SLCO1C1: variants seen among roughly 807,000 people sequenced by gnomAD.
The protein encoded by SLCO1C1 is OAT-RP-5.
Under a neutral mutation model 76.4 loss-of-function variants are expected in SLCO1C1, and 70 were observed. That is an observed-to-expected ratio of 0.92 (90% CI 0.76 to 1.12). SLCO1C1 has a LOEUF of 1.12. Among genes scored for constraint, SLCO1C1 ranks in the 50% most tolerant of loss-of-function variants. The pLI, the probability that SLCO1C1 is intolerant of heterozygous loss-of-function variation, is 0.00. For synonymous variants in SLCO1C1, 306 were observed against 286.1 expected (o/e 1.07, Z -0.70); for missense variants, 912 against 823.8 (o/e 1.11, Z -1.31).
chr12:20,724,441 ATATATATATATG>A (rs1240455642), intron 9 of SLCO1C1, among the ~76,000 whole-genome samples: 1,697 of 108,304 alleles, frequency 0.016, 17 homozygotes, highest in Middle Eastern at 0.029. Flanking sequence ...ATATATATAT[ATATATATATATG>A]TGTGTGTGTG....
chr12:20,748,782 C>T (rs1565549750), intron 13 of SLCO1C1, among the ~76,000 whole-genome samples: 2 of 151,830 alleles, frequency 1.3e-5, no homozygotes, highest in Non-Finnish European at 2.9e-5. Context: ...GTGAGTATGT[C>T]CAGGTAAAAT....
Position 20,740,251 on chromosome 12 carries a change from G to T in SLCO1C1, c.1616G>T (p.Gly539Val). 6.2e-7 allele frequency: 1 copy of T among 1,613,898 alleles called. No homozygotes were observed. Among genetic ancestry groups the T allele is most frequent in the Non-Finnish European group, 8.5e-7 (1 of 1,179,930 alleles). Reference sequence around the variant, plus strand: ...TCCGGAAATTCCTCAGGCATAGTGGGAAGATGTCAGAAAGACAATGGATGT... The same window carrying T: ...TCCGGAAATTCCTCAGGCATAGTGGTAAGATGTCAGAAAGACAATGGATGT... ...SKSGNSSGIVGRCQKDNGCPQ... is the reference protein window; with the variant it reads ...SKSGNSSGIVVRCQKDNGCPQ... Residue 539 changes from glycine (G) to valine (V), a missense_variant, in exon 12 of 15, where the codon GGA becomes GTA. Coordinates refer to ENST00000266509, the MANE Select transcript of SLCO1C1 (RefSeq NM_017435.5).
At chr12:20,736,405 A>G (rs565991835) in intron 10 of SLCO1C1, among the ~76,000 whole-genome samples, 121 of 152,126 alleles carry the variant, frequency 8.0e-4, no homozygotes, top group African/African-American at 2.7e-3. Context: ...GCTAGCACTT[A>G]GTAGGCTTCC....
chr12:20,730,068 T>A (rs1948198032), intron 9 of SLCO1C1, among the ~76,000 whole-genome samples: 1 of 152,140 alleles, frequency 6.6e-6, no homozygotes, highest in African/African-American at 2.4e-5. Flanking sequence ...AGGTTACACC[T>A]TGTGTTATTA....
At position 20,711,532 on chromosome 12, in the gene SLCO1C1, G is replaced by C. The variant is rs370157766; in HGVS notation, c.529+22G>C. ...AACGGTAAGATCATTTTTTTGACTT[G>C]ACTAAACAAGCTTTTAAAAAAAAGA... On this transcript the variant is annotated intron_variant, in intron 5 of 14. Transcript: ENST00000266509. 3.7e-6 allele frequency: 6 copies of C among 1,608,410 alleles called. No individual in the cohort carries two copies. In the African/African-American group the frequency reaches 6.7e-5, roughly 18 times the overall value.
rs565259852 is a variant in SLCO1C1, at chr12:20,698,394, C to T, written c.-25-1158C>T. Among the ~76,000 whole-genome samples the T allele has an allele frequency of 1.4e-3, 217 of 152,136 alleles. 2 individuals carry two copies. The highest frequency in any genetic ancestry group is 5.1e-3 in the African/African-American group (212 of 41,540). Reference sequence around the variant, plus strand: ...CATCCTTTCCTTTAGTCAATTCCCACTCCCTAGAGGAATCCACTTAATTTT... The same window carrying T: ...CATCCTTTCCTTTAGTCAATTCCCATTCCCTAGAGGAATCCACTTAATTTT... On this transcript the variant is annotated intron_variant, in intron 1 of 14. Coordinates refer to ENST00000266509, the MANE Select transcript of SLCO1C1 (RefSeq NM_017435.5).
chr12:20,706,046 A>C lies in SLCO1C1; in HGVS notation c.369A>C (p.Thr123=), dbSNP rs756166916. The C allele has an allele frequency of 1.1e-5, 18 of 1,613,080 alleles. No homozygotes were observed. The change falls in exon 4 of 15, where the codon ACA becomes ACC. Residue 123 remains threonine, a synonymous_variant. Coordinates refer to ENST00000266509, the MANE Select transcript of SLCO1C1 (RefSeq NM_017435.5). ...GAGCVIMGVG[T]LLIAMPQFFM... ...GGTGTGTAATCATGGGAGTTGGAAC[A>C]CTGCTCATTGCAATGCCTCAGTTCT...
intron 9 of SLCO1C1, among the ~76,000 whole-genome samples, chr12:20,724,621 ATAAAT>A (rs1007005168): frequency 8.1e-5 from 12 of 148,390 alleles, no homozygotes; most frequent in Non-Finnish European, 1.6e-4. Context: ...TGAACTTCAT[ATAAAT>A]TAAATAGTAT....
intron 14 of SLCO1C1, among the ~76,000 whole-genome samples, chr12:20,751,244 C>T (rs975381033): frequency 6.6e-6 from 1 of 152,086 alleles, no homozygotes; most frequent in African/African-American, 2.4e-5. Context: ...CTTTTATTGC[C>T]AAACTAATGT....
In SLCO1C1 at chr12:20,711,465, T is replaced by C. The variant is rs565378831; in HGVS notation, c.484T>C (p.Leu162=). The change falls in exon 5 of 15, where the codon TTA becomes CTA. Residue 162 remains leucine, a synonymous_variant. Coordinates refer to ENST00000266509, the MANE Select transcript of SLCO1C1 (RefSeq NM_017435.5). The part of the protein sequence containing the change: ...SPCLLESSSQ[L]PVSVMEKSKS... ...GTGTCTCCTAGAGTCAAGCAGTCAATTACCAGTTTCAGTTATGGAAAAATC... is the reference window on the plus strand; with the variant it reads ...GTGTCTCCTAGAGTCAAGCAGTCAACTACCAGTTTCAGTTATGGAAAAATC... 3 of 1,614,026 alleles carry C rather than the reference T, an allele frequency of 1.9e-6. No individual in the cohort carries two copies. Among genetic ancestry groups the C allele is most frequent in the East Asian group, 4.5e-5 (2 of 44,860 alleles).
chr12:20,699,249 A>G (rs571554891), intron 1 of SLCO1C1, among the ~76,000 whole-genome samples: 10 of 152,018 alleles, frequency 6.6e-5, no homozygotes, highest in African/African-American at 2.4e-4. Context: ...CAAGACCACA[A>G]AGTTAGCAAA....
chr12:20,711,543 C>A (rs1272724762), intron 5 of SLCO1C1, 33 bp downstream of exon 5: 4 of 1,599,410 alleles, frequency 2.5e-6, no homozygotes, highest in Admixed American at 3.5e-5. Flanking sequence ...ACTAAACAAG[C>A]TTTTAAAAAA....
intron 2 of SLCO1C1, among the ~76,000 whole-genome samples, chr12:20,701,025 T>G (rs1461421855): frequency 6.6e-6 from 1 of 152,032 alleles, no homozygotes; most frequent in Non-Finnish European, 1.5e-5. Context: ...AAGACTCCTT[T>G]GAGTGCCCCT....
intron 11 of SLCO1C1, among the ~76,000 whole-genome samples, chr12:20,739,225 A>G (rs1173560444): frequency 6.6e-6 from 1 of 152,174 alleles, no homozygotes; most frequent in African/African-American, 2.4e-5. Context: ...TCCATTCCCC[A>G]GTTGCATAAT....
intron 6 of SLCO1C1, among the ~76,000 whole-genome samples, chr12:20,715,539 T>C (rs1015402878): frequency 6.6e-6 from 1 of 152,240 alleles, no homozygotes; most frequent in Non-Finnish European, 1.5e-5. Flanking sequence ...CAATGACGTA[T>C]GACCTTGTGA....
chr12:20,711,058 T>C (rs544281153), intron 4 of SLCO1C1, among the ~76,000 whole-genome samples: 31 of 152,168 alleles, frequency 2.0e-4, no homozygotes, highest in African/African-American at 4.3e-4. Flanking sequence ...CTAACAACAG[T>C]TGATGAGCTA....
Position 20,701,332 on chromosome 12 carries a change from C to A in SLCO1C1, c.144C>A (p.Ala48=). The A allele has an allele frequency of 1.3e-6, 2 of 1,530,176 alleles. No individual in the cohort carries two copies. Among genetic ancestry groups the A allele is most frequent in the Non-Finnish European group, 1.8e-6 (2 of 1,122,482 alleles). 94.8% of individuals were successfully genotyped at this position (1,530,176 alleles called of 1,614,324 possible). Residue 48 remains alanine, a synonymous_variant, in exon 3 of 15, where the codon GCC becomes GCA. Transcript: ENST00000266509. ...CCGELKVFLC[A]LSFVYFAKAL... is the part of the protein sequence containing the mutation. ...ATATTTTCCAGGTGTTCTTGTGTGCCTTGTCTTTTGTTTACTTTGCCAAAG... is the reference window on the plus strand; with the variant it reads ...ATATTTTCCAGGTGTTCTTGTGTGCATTGTCTTTTGTTTACTTTGCCAAAG...
intron 14 of SLCO1C1, among the ~76,000 whole-genome samples, chr12:20,751,492 T>A (rs1447382600): frequency 6.6e-6 from 1 of 152,174 alleles, no homozygotes; most frequent in Non-Finnish European, 1.5e-5. Context: ...ATAAACTTGG[T>A]ACTGAACCAT....
At chr12:20,706,672 GA>G (rs2120643866) in intron 4 of SLCO1C1, among the ~76,000 whole-genome samples, 1 of 152,226 alleles carries the variant, frequency 6.6e-6, no homozygotes, top group South Asian at 2.1e-4. Context: ...CTGTGGGGTA[GA>G]AGAACATAGT....
Sources: gnomAD v4.1 joint callset for allele counts (sites outside exome capture counted in the v4.1 genomes callset) on GRCh38, gnomAD v4.1.1 for gene constraint, MANE v1.5 for transcripts, NCBI Gene and HGNC (gene_info 2026-07-23, HGNC 2026-07-21) for gene names.